MATCAP2: variants seen among roughly 807,000 people sequenced by gnomAD.
MATCAP2 encodes the protein microtubule associated tyrosine carboxypeptidase 2.
At chr7:36,375,869 C>T in the MATCAP2 span, among the ~76,000 whole-genome samples, 3 of 152,152 alleles carry the variant, frequency 2.0e-5, no homozygotes, top group Non-Finnish European at 4.4e-5. Flanking sequence ...TTCTAGTTTA[C>T]TTGCGTAGAG....
chr7:36,353,637 C>G, the MATCAP2 span, among the ~76,000 whole-genome samples: 1 of 151,878 alleles, frequency 6.6e-6, no homozygotes, highest in African/African-American at 2.4e-5. Context: ...CCCACCACCA[C>G]GCCCAGCTAA....
the MATCAP2 span, among the ~76,000 whole-genome samples, chr7:36,343,640 GAA>G: frequency 6.1e-4 from 10 of 16,514 alleles, no homozygotes; most frequent in South Asian, 0.079. Context: ...AAAAGAAAAA[GAA>G]AAAGAAAAGA....
chr7:36,337,098 CAAAAAAAAAA>C, the MATCAP2 span, among the ~76,000 whole-genome samples: 134 of 18,528 alleles, frequency 7.2e-3, 6 homozygotes, highest in Non-Finnish European at 8.8e-3. Context: ...AACTCCATCT[CAAAAAAAAAA>C]AAAAAAAAAA....
chr7:36,356,965 G>A, the MATCAP2 span: 1 of 1,614,212 alleles, frequency 6.2e-7, no homozygotes, highest in South Asian at 1.1e-5. Context: ...GAGCAGGATT[G>A]GCATACTCAA....
the MATCAP2 span, among the ~76,000 whole-genome samples, chr7:36,359,881 C>G: frequency 0.41 from 61,902 of 151,894 alleles, 13,128 homozygotes; most frequent in African/African-American, 0.49. Context: ...AACGACACCA[C>G]AAGCTTAGGA....
the MATCAP2 span, among the ~76,000 whole-genome samples, chr7:36,353,618 C>A: frequency 1.3e-5 from 2 of 151,520 alleles, no homozygotes; most frequent in Non-Finnish European, 2.9e-5. Flanking sequence ...GTAGCTGGGA[C>A]TACAGGCGCC....
At chr7:36,344,082 A>G in the MATCAP2 span, among the ~76,000 whole-genome samples, 2 of 152,224 alleles carry the variant, frequency 1.3e-5, no homozygotes, top group African/African-American at 4.8e-5. Flanking sequence ...AGGTAAGTTA[A>G]TAAGAAGAGA....
At chr7:36,373,306 G>A in the MATCAP2 span, among the ~76,000 whole-genome samples, 2 of 152,096 alleles carry the variant, frequency 1.3e-5, no homozygotes, top group African/African-American at 4.8e-5. Context: ...ACGGCAAATC[G>A]GTAAAGTATG....
the MATCAP2 span, among the ~76,000 whole-genome samples, chr7:36,373,540 TG>T: frequency 6.6e-6 from 1 of 152,140 alleles, no homozygotes; most frequent in Non-Finnish European, 1.5e-5. Flanking sequence ...TCTAGTAAGC[TG>T]GGGGAAAGCG....
chr7:36,328,162 G>GAA, the MATCAP2 span, among the ~76,000 whole-genome samples: 1 of 147,978 alleles, frequency 6.8e-6, no homozygotes, highest in Non-Finnish European at 1.5e-5. Context: ...TCGAACTCCT[G>GAA]GGCTCAAGCG....
At chr7:36,324,836 A>AAAGAG in the MATCAP2 span, 1 of 152,234 alleles carries the variant, frequency 6.6e-6, no homozygotes, top group Non-Finnish European at 1.5e-5. Context: ...CAAATCAGAC[A>AAAGAG]AAGAGAAAAT....
the MATCAP2 span, among the ~76,000 whole-genome samples, chr7:36,360,833 A>T: frequency 6.6e-6 from 1 of 152,198 alleles, no homozygotes; most frequent in South Asian, 2.1e-4. Flanking sequence ...AAATTAAAAC[A>T]TTTTAAAAGC....
chr7:36,383,391 T>C, the MATCAP2 span, among the ~76,000 whole-genome samples: 1 of 152,120 alleles, frequency 6.6e-6, no homozygotes, highest in African/African-American at 2.4e-5. Flanking sequence ...CTGTTCACAA[T>C]AGCAAAGACT....
chr7:36,364,572 T>G, the MATCAP2 span, among the ~76,000 whole-genome samples: 2 of 152,210 alleles, frequency 1.3e-5, no homozygotes, highest in Non-Finnish European at 2.9e-5. Flanking sequence ...CTGTTCTATA[T>G]TTGTAACGAC....
At chr7:36,328,541 C>T in the MATCAP2 span, among the ~76,000 whole-genome samples, 21 of 151,374 alleles carry the variant, frequency 1.4e-4, no homozygotes, top group African/African-American at 4.1e-4. Flanking sequence ...GTCAGGAGTT[C>T]GAGACTAGCC....
chr7:36,327,214 C>A, the MATCAP2 span, among the ~76,000 whole-genome samples: 1 of 152,194 alleles, frequency 6.6e-6, no homozygotes, highest in Non-Finnish European at 1.5e-5. Flanking sequence ...TCTTGGCTCA[C>A]TGCAACCTCC....
chr7:36,330,875 A>C, the MATCAP2 span: 1 of 659,744 alleles, frequency 1.5e-6, no homozygotes, highest in Non-Finnish European at 2.6e-6. Context: ...TTGTTCTGAC[A>C]ATAAACTAAA....
chr7:36,352,637 G>A, the MATCAP2 span, among the ~76,000 whole-genome samples: 1 of 151,788 alleles, frequency 6.6e-6, no homozygotes, highest in African/African-American at 2.4e-5. Context: ...AGACCAGCCT[G>A]GCCAACAGAT....
chr7:36,379,847 C>CAGAGAGAGAGAGAGAGAGAG, the MATCAP2 span, among the ~76,000 whole-genome samples: 4 of 107,688 alleles, frequency 3.7e-5, no homozygotes, highest in East Asian at 3.0e-4. Flanking sequence ...CACACACACA[C>CAGAGAGAGAGAGAGAGAGAG]AGAGAGAGAG....
Sources: allele counts gnomAD v4.1 joint callset (sites outside exome capture counted in the v4.1 genomes callset), GRCh38; gene constraint gnomAD v4.1.1; transcripts MANE v1.5; gene names NCBI Gene and HGNC (gene_info 2026-07-23, HGNC 2026-07-21).